The following KCNH1 variants were observed in gnomAD, a reference collection of about 807,000 sequenced individuals.
The protein encoded by KCNH1 is voltage-gated delayed rectifier potassium channel KCNH1.
KCNH1 carries 27 observed loss-of-function variants against 69.2 expected under a neutral mutation model. The observed-to-expected ratio is 0.39, with a 90% CI of 0.29 to 0.54. The LOEUF (loss-of-function observed/expected upper bound fraction) is 0.54. Ranked by LOEUF, KCNH1 falls within the 20% of genes least tolerant of loss-of-function variation. KCNH1 has a pLI of 0.68. For synonymous variants in KCNH1, 456 were observed against 487.7 expected, an observed-to-expected ratio of 0.93 and a Z score of 0.86; for missense variants, 798 against 1,261.6, an observed-to-expected ratio of 0.63 and a Z score of 5.57.
intron 1 of KCNH1, among the ~76,000 whole-genome samples, chr1:211,115,300 C>T (rs189224198): frequency 3.9e-4 from 60 of 152,192 alleles, no homozygotes; most frequent in Non-Finnish European, 7.8e-4. Flanking sequence ...GAATTAATAT[C>T]GTTAACATGT....
chr1:211,126,684 T>C (rs1194023956), intron 1 of KCNH1, among the ~76,000 whole-genome samples: 1 of 98,256 alleles, frequency 1.0e-5, no homozygotes, highest in South Asian at 3.4e-4. Flanking sequence ...TCCTATAATA[T>C]CTCAAAAAAA....
At chr1:210,800,753 A>G (rs1574264202) in intron 8 of KCNH1, among the ~76,000 whole-genome samples, 1 of 151,972 alleles carries the variant, frequency 6.6e-6, no homozygotes, top group South Asian at 2.1e-4. Flanking sequence ...AGGTTTTGAG[A>G]AGAGACCATC....
intron 7 of KCNH1, among the ~76,000 whole-genome samples, chr1:210,879,137 A>G (rs1484918578): frequency 1.3e-5 from 2 of 152,074 alleles, no homozygotes; most frequent in Non-Finnish European, 2.9e-5. Flanking sequence ...ATAACTTCCT[A>G]AAACAGAAAG....
At chr1:210,966,588 C>A (rs546100540) in intron 6 of KCNH1, among the ~76,000 whole-genome samples, 50 of 152,278 alleles carry the variant, frequency 3.3e-4, no homozygotes, top group Non-Finnish European at 6.5e-4. Flanking sequence ...CAAAAGAAGA[C>A]ATTTATGCAG....
chr1:210,766,183 C>G (rs1214291075), intron 10 of KCNH1, among the ~76,000 whole-genome samples: 1 of 152,086 alleles, frequency 6.6e-6, no homozygotes, highest in Non-Finnish European at 1.5e-5. Context: ...TTGACTCATT[C>G]AATTATTGAA....
At chr1:210,837,758 C>T (rs1202530748) in intron 7 of KCNH1, among the ~76,000 whole-genome samples, 2 of 152,100 alleles carry the variant, frequency 1.3e-5, no homozygotes, top group Non-Finnish European at 2.9e-5. Flanking sequence ...CACCTAGATG[C>T]CTCAGTGTCC....
intron 5 of KCNH1, among the ~76,000 whole-genome samples, chr1:211,036,893 T>C (rs925362379): frequency 6.6e-6 from 1 of 152,142 alleles, no homozygotes; most frequent in Non-Finnish European, 1.5e-5. Flanking sequence ...CCTAGGATAA[T>C]GTCACTAGTC....
intron 1 of KCNH1, among the ~76,000 whole-genome samples, chr1:211,130,401 A>G (rs2102505473): frequency 6.6e-6 from 1 of 152,320 alleles, no homozygotes; most frequent in African/African-American, 2.4e-5. Context: ...AAATACAGTG[A>G]CAGGCCTAAA....
intron 7 of KCNH1, chr1:210,862,043 T>C: frequency 8.9e-6 from 7 of 785,542 alleles, no homozygotes; most frequent in South Asian, 8.1e-5. Context: ...TCTGGAATAG[T>C]ATAAGGGGAT....
chr1:210,762,482 T>C (rs1683542676), intron 10 of KCNH1, among the ~76,000 whole-genome samples: 1 of 152,042 alleles, frequency 6.6e-6, no homozygotes, highest in Non-Finnish European at 1.5e-5. Flanking sequence ...GACCACTAGC[T>C]AGATGAACAA....
At chr1:211,091,447 C>A (rs1409879940) in intron 3 of KCNH1, among the ~76,000 whole-genome samples, 1 of 152,140 alleles carries the variant, frequency 6.6e-6, no homozygotes, top group African/African-American at 2.4e-5. Flanking sequence ...GGATTACAGG[C>A]ATAAGCCACT....
chr1:210,834,606 G>A (rs1685242888), intron 7 of KCNH1, among the ~76,000 whole-genome samples: 1 of 149,904 alleles, frequency 6.7e-6, no homozygotes, highest in African/African-American at 2.5e-5. Flanking sequence ...AGTGGGTGAA[G>A]TGCACCAGCA....
chr1:211,124,186 A>G (rs1255684279), intron 1 of KCNH1, among the ~76,000 whole-genome samples: 1 of 152,220 alleles, frequency 6.6e-6, no homozygotes, highest in Non-Finnish European at 1.5e-5. Flanking sequence ...GAAATGGAAC[A>G]TGAAAGTATT....
intron 7 of KCNH1, among the ~76,000 whole-genome samples, chr1:210,847,173 G>A (rs956640283): frequency 5.3e-5 from 8 of 152,148 alleles, no homozygotes; most frequent in Non-Finnish European, 1.0e-4. Flanking sequence ...TCAGTGTGGC[G>A]ATTCCTCAGG....
In KCNH1 at chr1:211,027,044, A is replaced by G. The variant is rs141260050; in HGVS notation, c.559-7788T>C. Among the ~76,000 whole-genome samples the G allele has an allele frequency of 3.8e-3, 579 of 152,328 alleles. 15 individuals are homozygous for G. The South Asian group carries it at 0.075, about 20-fold the overall frequency. ...ACTACCCAAATGCCAAACTTTCAAT[A>G]AAAAATTCATTCATTATACCAAGAA... On this transcript the variant is annotated intron_variant, in intron 5 of 10. Coordinates refer to ENST00000271751, the MANE Select transcript of KCNH1 (RefSeq NM_172362.3).
At chr1:210,889,890 G>T (rs1379505212) in intron 7 of KCNH1, among the ~76,000 whole-genome samples, 1 of 152,140 alleles carries the variant, frequency 6.6e-6, no homozygotes, top group Non-Finnish European at 1.5e-5. Flanking sequence ...AAGGAAATAA[G>T]AGAGGACACA....
intron 7 of KCNH1, among the ~76,000 whole-genome samples, chr1:210,911,682 A>G (rs964993272): frequency 2.0e-5 from 3 of 151,820 alleles, no homozygotes; most frequent in Admixed American, 6.6e-5. Flanking sequence ...GTGGGTACCT[A>G]TAAGATCAGA....
chr1:210,709,828 C>T (rs901431341), intron 10 of KCNH1, among the ~76,000 whole-genome samples: 1 of 152,056 alleles, frequency 6.6e-6, no homozygotes, highest in African/African-American at 2.4e-5. Context: ...AGGAGCTCTC[C>T]CATACAGTGC....
At chr1:210,997,277 G>C (rs371506905) in intron 6 of KCNH1, among the ~76,000 whole-genome samples, 5 of 152,122 alleles carry the variant, frequency 3.3e-5, no homozygotes, top group Admixed American at 2.6e-4. Flanking sequence ...AAAATTAGAC[G>C]AATGGAAAAC....
Sources: gnomAD v4.1 joint callset for allele counts (sites outside exome capture counted in the v4.1 genomes callset) on GRCh38, gnomAD v4.1.1 for gene constraint, MANE v1.5 for transcripts, NCBI Gene and HGNC (gene_info 2026-07-23, HGNC 2026-07-21) for gene names.